Variants in SHISA9 observed in about 807,000 individuals in gnomAD.
SHISA9 encodes the protein protein shisa-9.
In SHISA9, 13 loss-of-function variants were observed where a neutral mutation model predicts 38.0. The ratio of observed to expected loss-of-function variants is 0.34; its 90% confidence interval spans 0.22 to 0.54. The LOEUF (loss-of-function observed/expected upper bound fraction) is 0.54, where lower values mean the gene tolerates loss of function less well. Among genes scored for constraint, SHISA9 ranks in the 20% least tolerant of loss-of-function variants. SHISA9 has a pLI of 0.91. For synonymous variants in SHISA9, 275 were observed against 242.0 expected (o/e 1.14, Z -1.27); for missense variants, 538 against 575.8 (o/e 0.93, Z 0.67).
At chr16:13,101,602 A>C (rs940934037) in intron 2 of SHISA9, among the ~76,000 whole-genome samples, 3 of 152,210 alleles carry the variant, frequency 2.0e-5, no homozygotes, top group African/African-American at 7.2e-5. Context: ...CTGGCTTTTG[A>C]AAATCAAAAT....
chr16:13,386,453 T>C, the SHISA9 span, among the ~76,000 whole-genome samples: 1 of 152,218 alleles, frequency 6.6e-6, no homozygotes, highest in South Asian at 2.1e-4. Flanking sequence ...CACCACTCAG[T>C]AGCCTTGAGG....
the SHISA9 span, among the ~76,000 whole-genome samples, chr16:13,382,484 C>T: frequency 5.4e-5 from 8 of 147,156 alleles, no homozygotes; most frequent in South Asian, 4.3e-4. Flanking sequence ...GAGCCGAGAT[C>T]GCGCCACTGC....
chr16:13,328,635 C>T, the SHISA9 span, among the ~76,000 whole-genome samples: 20 of 92,958 alleles, frequency 2.2e-4, no homozygotes, highest in South Asian at 1.8e-3. Context: ...CACACACACA[C>T]ATATATATTG....
chr16:13,029,491 CGAGCCTACTCGG>C (rs1054207740), intron 2 of SHISA9, among the ~76,000 whole-genome samples: 8 of 152,276 alleles, frequency 5.3e-5, no homozygotes, highest in African/African-American at 1.9e-4. Flanking sequence ...GCTTGTGGTC[CGAGCCTACTCGG>C]GAGGCTAAGG....
At chr16:13,136,396 C>CTTTTTTTT (rs35122409) in intron 2 of SHISA9, among the ~76,000 whole-genome samples, 49 of 68,054 alleles carry the variant, frequency 7.2e-4, no homozygotes, top group Middle Eastern at 0.013. Context: ...CAGTTTCCTT[C>CTTTTTTTT]TTTTTTTTTT....
At chr16:13,035,536 C>CT (rs35776381) in intron 2 of SHISA9, among the ~76,000 whole-genome samples, 222 of 148,468 alleles carry the variant, frequency 1.5e-3, no homozygotes, top group African/African-American at 4.2e-3. Flanking sequence ...TAATTTTCAG[C>CT]TTTTTTTTTT....
the SHISA9 span, among the ~76,000 whole-genome samples, chr16:13,482,075 C>T: frequency 6.6e-6 from 1 of 152,204 alleles, no homozygotes; most frequent in Admixed American, 6.5e-5. Context: ...TTTTTCCATC[C>T]CTGCCCTGGT....
the SHISA9 span, among the ~76,000 whole-genome samples, chr16:13,266,179 C>T: frequency 1.1e-4 from 16 of 152,160 alleles, no homozygotes; most frequent in African/African-American, 3.6e-4. Context: ...CCAATGTCCC[C>T]GCATCTCTTC....
the SHISA9 span, among the ~76,000 whole-genome samples, chr16:13,536,145 C>T: frequency 4.6e-5 from 7 of 152,130 alleles, no homozygotes; most frequent in Middle Eastern, 3.4e-3. Flanking sequence ...ACTACAGGCA[C>T]GTGCCACCAC....
the SHISA9 span, among the ~76,000 whole-genome samples, chr16:13,517,853 A>G: frequency 6.6e-6 from 1 of 152,192 alleles, no homozygotes; most frequent in South Asian, 2.1e-4. Context: ...AGCTAATGGA[A>G]GGTTAGTGAG....
At chr16:13,096,066 T>C (rs532528104) in intron 2 of SHISA9, among the ~76,000 whole-genome samples, 1 of 152,370 alleles carries the variant, frequency 6.6e-6, no homozygotes, top group East Asian at 1.9e-4. Flanking sequence ...GAATCCCTGC[T>C]TCACTGGGTA....
At chr16:13,344,651 A>G in the SHISA9 span, among the ~76,000 whole-genome samples, 1 of 152,178 alleles carries the variant, frequency 6.6e-6, no homozygotes, top group Non-Finnish European at 1.5e-5. Context: ...GGCCATATGT[A>G]CTGAGTTCAC....
chr16:13,401,563 G>A, the SHISA9 span, among the ~76,000 whole-genome samples: 1 of 151,914 alleles, frequency 6.6e-6, no homozygotes, highest in African/African-American at 2.4e-5. Flanking sequence ...ATAAGCATGG[G>A]GCCCTAATCC....
the SHISA9 span, among the ~76,000 whole-genome samples, chr16:13,267,433 A>G: frequency 6.6e-6 from 1 of 152,200 alleles, no homozygotes; most frequent in East Asian, 1.9e-4. Flanking sequence ...ACTGTCATGC[A>G]CTGCTGGAGG....
intron 2 of SHISA9, among the ~76,000 whole-genome samples, chr16:12,926,944 C>A (rs2141735802): frequency 6.6e-6 from 1 of 152,164 alleles, no homozygotes; most frequent in East Asian, 1.9e-4. Context: ...CTACAAGGAC[C>A]ACACTGCTTT....
the SHISA9 span, among the ~76,000 whole-genome samples, chr16:13,448,611 C>T: frequency 1.3e-5 from 2 of 152,238 alleles, no homozygotes; most frequent in Non-Finnish European, 2.9e-5. Flanking sequence ...ATATGTCCTC[C>T]CTACTCATTT....
chr16:13,311,606 A>C, the SHISA9 span, among the ~76,000 whole-genome samples: 1 of 152,312 alleles, frequency 6.6e-6, no homozygotes, highest in East Asian at 1.9e-4. Context: ...GGATTAAGGC[A>C]GCAACTACAG....
At chr16:13,244,464 AAT>A (rs1258300797), downstream of SHISA9, among the ~76,000 whole-genome samples, 1 of 152,126 alleles carries the variant, frequency 6.6e-6, no homozygotes, top group Non-Finnish European at 1.5e-5. Flanking sequence ...ATAAATAGTA[AAT>A]ATGTTTTCTC....
At chr16:13,371,113 T>C in the SHISA9 span, among the ~76,000 whole-genome samples, 1 of 152,116 alleles carries the variant, frequency 6.6e-6, no homozygotes, top group East Asian at 1.9e-4. Flanking sequence ...ATTTAATTAA[T>C]CCCCAAAATA....
Sources: allele counts gnomAD v4.1 joint callset (sites outside exome capture counted in the v4.1 genomes callset), GRCh38; gene constraint gnomAD v4.1.1; transcripts MANE v1.5; gene names NCBI Gene and HGNC (gene_info 2026-07-23, HGNC 2026-07-21).